DGKI: variants seen among roughly 807,000 people sequenced by gnomAD.
DGKI encodes diacylglycerol kinase iota.
Under a neutral mutation model 147.5 loss-of-function variants are expected in DGKI, and 55 were observed. The ratio of observed to expected loss-of-function variants is 0.37; its 90% CI spans 0.30 to 0.47. The LOEUF (loss-of-function observed/expected upper bound fraction) is 0.47. Among genes scored for constraint, DGKI ranks in the 20% least tolerant of loss-of-function variants. The pLI is 1.00. For synonymous variants in DGKI, 469 were observed against 477.1 expected (o/e 0.98, Z 0.22); for missense variants, 1,007 against 1,323.8 (o/e 0.76, Z 3.71).
chr7:137,411,412 A>G (rs1241369706), intron 29 of DGKI, among the ~76,000 whole-genome samples: 1 of 152,212 alleles, frequency 6.6e-6, no homozygotes, highest in African/African-American at 2.4e-5. Flanking sequence ...AATAGCTAAC[A>G]TTTTAGAGCC....
intron 21 of DGKI, among the ~76,000 whole-genome samples, chr7:137,517,601 A>G (rs1816825221): frequency 6.6e-6 from 1 of 152,136 alleles, no homozygotes; most frequent in South Asian, 2.1e-4. Flanking sequence ...ATGGTAATGT[A>G]AAGTGTTTAA....
chr7:137,706,317 C>T (rs1794021617), intron 1 of DGKI, among the ~76,000 whole-genome samples: 2 of 151,668 alleles, frequency 1.3e-5, no homozygotes, highest in South Asian at 2.1e-4. Context: ...TCTCTAGGTA[C>T]ATTAAAATAG....
chr7:137,833,398 CA>C (rs1387496611), intron 1 of DGKI, among the ~76,000 whole-genome samples: 1 of 152,274 alleles, frequency 6.6e-6, no homozygotes, highest in African/African-American at 2.4e-5. Context: ...ACAGCTTGTG[CA>C]GGGAAACTCA....
chr7:137,780,878 C>T (rs1160425152), intron 1 of DGKI, among the ~76,000 whole-genome samples: 1 of 152,132 alleles, frequency 6.6e-6, no homozygotes, highest in African/African-American at 2.4e-5. Flanking sequence ...AGTCCACAAC[C>T]CTTCAATCAA....
chr7:137,751,310 A>G (rs1158682368), intron 1 of DGKI, among the ~76,000 whole-genome samples: 1 of 152,232 alleles, frequency 6.6e-6, no homozygotes, highest in African/African-American at 2.4e-5. Context: ...TATATTGTCT[A>G]TAGCCACTAT....
In DGKI at chr7:137,385,108, T is replaced by A. The variant is rs1811145763; in HGVS notation, c.*6112A>T. 6.6e-6 allele frequency: 1 copy of A among 152,094 alleles called. No homozygotes were observed. 9.4% of individuals were successfully genotyped at this position (152,094 alleles called of 1,614,324 possible). ...GCACTTTTTTATATTGGATGGACAG[T>A]AAGACAGATTTCTAATAGAATTTTA... On this transcript the variant is annotated 3_prime_UTR_variant, in exon 33 of 33. Coordinates refer to ENST00000614521, the MANE Select transcript of DGKI (RefSeq NM_001321708.2).
Position 137,846,949 on chromosome 7 carries a change from C to T in DGKI, c.-87G>A. 2 of 964,916 alleles carry T rather than the reference C, an allele frequency of 2.1e-6. No homozygotes were observed. The highest frequency in any genetic ancestry group is 2.5e-6 in the Non-Finnish European group (2 of 800,424). The allele number at this position is 964,916 out of a possible 1,614,324, so 59.8% of individuals were successfully genotyped here. A position where few individuals can be genotyped will look rare whatever the true frequency, so the allele number is the denominator to read the frequency against. On this transcript the variant is annotated 5_prime_UTR_variant, in exon 1 of 33. Coordinates refer to ENST00000614521, the MANE Select transcript of DGKI (RefSeq NM_001321708.2). The surrounding 1 kb of genome is among the most constrained non-coding windows in gnomAD (Gnocchi z 4.0). ...TCAGAGGCCGCCGCTCCCCGCCTCC[C>T]GCGCCCTCCCGCGCCGGCCCGCACC... is the stretch of plus-strand genomic sequence containing the variant.
intron 8 of DGKI, among the ~76,000 whole-genome samples, chr7:137,613,403 C>G (rs1423671503): frequency 6.6e-6 from 1 of 152,116 alleles, no homozygotes; most frequent in Non-Finnish European, 1.5e-5. Flanking sequence ...AAGTTACAGA[C>G]AGGGTCCCAA....
At chr7:137,594,622 G>A (rs1445127903) in intron 12 of DGKI, among the ~76,000 whole-genome samples, 1 of 152,162 alleles carries the variant, frequency 6.6e-6, no homozygotes, top group Non-Finnish European at 1.5e-5. Flanking sequence ...ACGAAAGGCT[G>A]AATACCTTGT....
At chr7:137,531,129 GAAGT>G (rs1817324160) in intron 20 of DGKI, among the ~76,000 whole-genome samples, 1 of 152,130 alleles carries the variant, frequency 6.6e-6, no homozygotes, top group African/African-American at 2.4e-5. Context: ...AGGCAAAGGA[GAAGT>G]AAGTACCACA....
At chr7:137,602,756 T>A (rs186284459) in intron 10 of DGKI, among the ~76,000 whole-genome samples, 51 of 152,276 alleles carry the variant, frequency 3.3e-4, no homozygotes, top group African/African-American at 1.1e-3. Flanking sequence ...CATTTCTTCC[T>A]CAATAGTAGG....
At chr7:137,399,320 CACCT>C (rs142175305) in intron 30 of DGKI, among the ~76,000 whole-genome samples, 5,143 of 152,248 alleles carry the variant, frequency 0.034, 122 homozygotes, top group Non-Finnish European at 0.05. Context: ...ATCCTTCTAG[CACCT>C]ACCCTATATT....
At chr7:137,550,433 C>T (rs1167473899) in intron 20 of DGKI, among the ~76,000 whole-genome samples, 2 of 152,148 alleles carry the variant, frequency 1.3e-5, no homozygotes, top group Non-Finnish European at 2.9e-5. Flanking sequence ...ATCTTGGCCT[C>T]CCAAAGTGCT....
At chr7:137,698,172 A>T (rs1823859855) in intron 1 of DGKI, among the ~76,000 whole-genome samples, 1 of 151,782 alleles carries the variant, frequency 6.6e-6, no homozygotes, top group African/African-American at 2.4e-5. Context: ...ATCTCCAGAT[A>T]GATAGATATA....
intron 21 of DGKI, among the ~76,000 whole-genome samples, chr7:137,498,741 A>G (rs1025921375): frequency 2.0e-5 from 3 of 152,180 alleles, no homozygotes; most frequent in Non-Finnish European, 4.4e-5. Flanking sequence ...ATCTGCCCCA[A>G]TAAAGTTGAA....
chr7:137,626,203 T>C (rs115144911), intron 6 of DGKI, among the ~76,000 whole-genome samples: 2,231 of 152,262 alleles, frequency 0.015, 31 homozygotes, highest in South Asian at 0.036. Flanking sequence ...AGTGAATCAC[T>C]GAACCTGGGG....
chr7:137,681,370 A>G (rs2116408286), intron 2 of DGKI, among the ~76,000 whole-genome samples: 1 of 152,338 alleles, frequency 6.6e-6, no homozygotes, highest in African/African-American at 2.4e-5. Context: ...AGACCCTAAA[A>G]GTTTTCAGAT....
chr7:137,659,889 C>T (rs1031618451), intron 3 of DGKI, among the ~76,000 whole-genome samples: 2 of 152,114 alleles, frequency 1.3e-5, no homozygotes, highest in Non-Finnish European at 2.9e-5. Context: ...GCCGAGATCG[C>T]GCCACTGCAC....
rs1387961153 is a variant in DGKI, at chr7:137,385,011, A to G, written c.*6209T>C. On this transcript the variant is annotated 3_prime_UTR_variant, in exon 33 of 33. Transcript: ENST00000614521. ...TTCATGTACATTTACTTGGCTCCCA[A>G]ATACCTTACAGGCAGAATTTTCTTC... 2.6e-5 allele frequency: 4 copies of G among 152,078 alleles called. No homozygotes were observed. Among genetic ancestry groups the G allele is most frequent in the Non-Finnish European group, 5.9e-5 (4 of 68,004 alleles). 9.4% of individuals were successfully genotyped at this position (152,078 alleles called of 1,614,324 possible).
Sources: gnomAD v4.1 joint callset for allele counts (sites outside exome capture counted in the v4.1 genomes callset) on GRCh38, gnomAD v4.1.1 for gene constraint, Gnocchi (gnomAD v3.1) non-coding constraint, MANE v1.5 for transcripts, NCBI Gene and HGNC (gene_info 2026-07-23, HGNC 2026-07-21) for gene names.